Variants in FNDC11 observed in about 807,000 individuals in gnomAD.
FNDC11 encodes the protein fibronectin type III domain containing 11.
In FNDC11, 15 loss-of-function variants were observed where a neutral mutation model predicts 15.8. The observed-to-expected ratio is 0.95, with a 90% confidence interval of 0.63 to 1.46. The LOEUF is 1.46. Among genes scored for constraint, FNDC11 ranks in the 40% most tolerant of loss-of-function variants. The pLI, the probability that FNDC11 is intolerant of heterozygous loss-of-function variation, is 0.00. For missense variants in FNDC11, 416 were observed against 443.4 expected (o/e 0.94, Z 0.55); for synonymous variants, 190 against 203.1 (o/e 0.94, Z 0.55).
intron 1 of FNDC11, 78 bp from the exon 2 acceptor site, chr20:63,555,576 C>T (rs2082799526): frequency 1.4e-6 from 2 of 1,475,268 alleles, no homozygotes; most frequent in South Asian, 2.7e-5. Context: ...GGTCAGTGGG[C>T]TGAATCCATC....
intron 1 of FNDC11, chr20:63,555,178 GTC>G (rs2082796249): frequency 1.3e-5 from 2 of 156,838 alleles, no homozygotes; most frequent in Admixed American, 1.2e-4. Flanking sequence ...GGTGAGGCCT[GTC>G]TCTGTGCCCT....
In FNDC11 at chr20:63,556,123, G is replaced by A. The variant is rs113868014; in HGVS notation, c.460G>A (p.Ala154Thr). 3 of 1,594,538 alleles carry A rather than the reference G, an allele frequency of 1.9e-6. No homozygotes were observed. In the African/African-American group the frequency reaches 4.0e-5, roughly 21 times the overall value. Residue 154 changes from alanine to threonine, a missense_variant, in exon 2 of 2, where the codon GCC (alanine) becomes ACC (threonine). Transcript: ENST00000370097. ...LRSPDPRPFL[A>T]DWALVERRLA... ...GTCGCCAGACCCACGGCCCTTCCTGGCCGACTGGGCGCTGGTGGAGCGGCG... is the reference window on the plus strand; with the variant it reads ...GTCGCCAGACCCACGGCCCTTCCTGACCGACTGGGCGCTGGTGGAGCGGCG...
intron 1 of FNDC11, 172 bp from the exon 2 acceptor site, chr20:63,555,481 AG>A: frequency 9.4e-7 from 1 of 1,059,996 alleles, no homozygotes; most frequent in Non-Finnish European, 1.3e-6. Flanking sequence ...AACTGTGTCC[AG>A]ATCTGTAGGC....
Position 63,556,293 on chromosome 20 carries a change from C to CG in FNDC11, c.631dup (p.Val211GlyfsTer3). Reference sequence around the variant, plus strand: ...TCATGCTGAGCACCAAGATGCCTGTCGTGTTTGACCGAAAGGCGTCGGCGG... The same window carrying CG: ...TCATGCTGAGCACCAAGATGCCTGTCGGTGTTTGACCGAAAGGCGTCGGCGG... On this transcript the variant is annotated frameshift_variant, in exon 2 of 2. Coordinates refer to ENST00000370097, the MANE Select transcript of FNDC11 (RefSeq NM_001319152.2). LOFTEE classifies it high-confidence loss of function. 6.2e-7 allele frequency: 1 copy of CG among 1,603,442 alleles called. No homozygotes were observed. Among genetic ancestry groups the CG allele is most frequent in the Admixed American group, 1.7e-5 (1 of 59,856 alleles).
chr20:63,555,110 C>T (rs2082795750), intron 1 of FNDC11: 1 of 153,720 alleles, frequency 6.5e-6, no homozygotes, highest in Admixed American at 6.4e-5. Flanking sequence ...GGCTGCTCCT[C>T]CGGGCCCAGG....
rs552539833 is a variant in FNDC11, at chr20:63,555,688, G to A, written c.25G>A (p.Gly9Ser). The A allele has an allele frequency of 1.9e-6, 3 of 1,611,074 alleles. No homozygotes were observed. Among genetic ancestry groups the A allele is most frequent in the Non-Finnish European group, 2.5e-6 (3 of 1,179,064 alleles). Residue 9 changes from glycine to serine, a missense_variant, in exon 2 of 2, where the codon GGC becomes AGC. Gly to Ser is a moderately conservative substitution (Grantham distance 56). Coordinates refer to ENST00000370097, the MANE Select transcript of FNDC11 (RefSeq NM_001319152.2). ...AATGAGCACCCATGTGGCAGGCCTGGGCCTGGACAAGATGAAGCTGGGCAA... is the reference window on the plus strand; with the variant it reads ...AATGAGCACCCATGTGGCAGGCCTGAGCCTGGACAAGATGAAGCTGGGCAA... MSTHVAGL[G>S]LDKMKLGNPQ... is the part of the protein sequence containing the mutation.
rs373075724 is a variant in FNDC11 at position 63,556,199 on chromosome 20, C to T, written c.536C>T (p.Pro179Leu). 8 of 1,596,504 alleles carry T rather than the reference C, an allele frequency of 5.0e-6. No homozygotes were observed. Among genetic ancestry groups the T allele is most frequent in the South Asian group, 3.3e-5 (3 of 90,036 alleles). The change falls in exon 2 of 2, where the codon CCG becomes CTG. Residue 179 changes from proline to leucine, a missense_variant. By Grantham distance (98) the Pro-to-Leu change is moderately conservative. Coordinates refer to ENST00000370097, the MANE Select transcript of FNDC11 (RefSeq NM_001319152.2). ...GACAGCTTCCTGACCATGATGGTGC[C>T]GGGGCGGCTACACGTCAAGCACCGC... ...VMDSFLTMMVPGRLHVKHRLV... is the reference protein window; with the variant it reads ...VMDSFLTMMVLGRLHVKHRLV...
In FNDC11 at chr20:63,555,652, A is replaced by G. The variant is rs1211510784; in HGVS notation, c.-10-2A>G. On this transcript the variant is annotated splice_acceptor_variant, in intron 1 of 1. Coordinates refer to ENST00000370097, the MANE Select transcript of FNDC11 (RefSeq NM_001319152.2). LOFTEE classifies it low-confidence loss of function (5UTR_SPLICE). ...GCAGCTGACACCCAGCCCTCCCCCCAGCTCCCGGATAATGAGCACCCATGT... is the reference window on the plus strand; with the variant it reads ...GCAGCTGACACCCAGCCCTCCCCCCGGCTCCCGGATAATGAGCACCCATGT... 1.3e-6 allele frequency: 2 copies of G among 1,592,590 alleles called. No homozygotes were observed. The highest frequency in any genetic ancestry group is 1.7e-6 in the Non-Finnish European group (2 of 1,166,552).
chr20:63,553,810 T>C (rs1213837345), upstream of FNDC11: 1 of 152,288 alleles, frequency 6.6e-6, no homozygotes, highest in African/African-American at 2.4e-5. Flanking sequence ...CCCAAATTCC[T>C]CCGAGGGATT....
In FNDC11 at chr20:63,556,581, G is replaced by A. The variant is rs750832888; in HGVS notation, c.918G>A (p.Pro306=). 30 of 1,613,076 alleles carry A rather than the reference G, an allele frequency of 1.9e-5. No homozygotes were observed. The highest frequency in any genetic ancestry group is 3.3e-5 in the South Asian group (3 of 91,088). The change falls in exon 2 of 2, where the codon CCG becomes CCA. Residue 306 remains proline, a synonymous_variant. Transcript: ENST00000370097. ...WRDSLTLHTK[P]EPLEGPALSH... Reference sequence around the variant, plus strand: ...ACAGCCTCACCCTGCACACCAAGCCGGAGCCCCTGGAGGGGCCCGCCCTCA... The same window carrying A: ...ACAGCCTCACCCTGCACACCAAGCCAGAGCCCCTGGAGGGGCCCGCCCTCA...
In FNDC11 at chr20:63,555,671, C is replaced by T. The variant is rs2082800671; in HGVS notation, c.8C>T (p.Thr3Ile). 6.2e-7 allele frequency: 1 copy of T among 1,605,104 alleles called. No individual in the cohort carries two copies. The highest frequency in any genetic ancestry group is 2.2e-5 in the East Asian group (1 of 44,628). Residue 3 changes from threonine (T) to isoleucine (I), a missense_variant, in exon 2 of 2, where the codon ACC becomes ATC. Physicochemically the swap from Thr to Ile is moderately conservative, Grantham distance 89. Transcript: ENST00000370097. ...CCCCCCAGCTCCCGGATAATGAGCA[C>T]CCATGTGGCAGGCCTGGGCCTGGAC... is the stretch of plus-strand genomic sequence containing the variant. MS[T>I]HVAGLGLDKM...
rs1017475462 is a variant in FNDC11, at chr20:63,556,273, C to T, written c.610C>T (p.Leu204=). The T allele has an allele frequency of 6.2e-7, 1 of 1,600,018 alleles. No individual in the cohort carries two copies. Among genetic ancestry groups the T allele is most frequent in the Admixed American group, 1.7e-5 (1 of 59,762 alleles). ...ATKIPHIWLM[L]STKMPVVFDR... ...CAAGATCCCGCACATCTGGCTCATGCTGAGCACCAAGATGCCTGTCGTGTT... is the reference window on the plus strand; with the variant it reads ...CAAGATCCCGCACATCTGGCTCATGTTGAGCACCAAGATGCCTGTCGTGTT... Residue 204 remains leucine (L), a synonymous_variant, in exon 2 of 2, where the codon CTG becomes TTG. Transcript: ENST00000370097.
Position 63,556,373 on chromosome 20 carries a change from C to A in FNDC11, c.710C>A (p.Ser237Ter). ...RWFVTIQPATSEQYELRFRLL... is the reference protein window; with the variant it reads ...RWFVTIQPAT Reference sequence around the variant, plus strand: ...TTCGTCACCATCCAGCCAGCCACATCGGAGCAGTATGAGTTGCGCTTCAGG... The same window carrying A: ...TTCGTCACCATCCAGCCAGCCACATAGGAGCAGTATGAGTTGCGCTTCAGG... Residue 237 changes from serine to a stop codon, truncating the protein, a stop_gained, in exon 2 of 2, where the codon TCG becomes TAG. Coordinates refer to ENST00000370097, the MANE Select transcript of FNDC11 (RefSeq NM_001319152.2). LOFTEE classifies it high-confidence loss of function. 2 of 1,612,582 alleles carry A rather than the reference C, an allele frequency of 1.2e-6. No homozygotes were observed. Among genetic ancestry groups the A allele is most frequent in the Non-Finnish European group, 1.7e-6 (2 of 1,179,998 alleles).
upstream of FNDC11, among the ~76,000 whole-genome samples, chr20:63,553,289 CAG>C (rs1050311002): frequency 1.6e-4 from 24 of 152,290 alleles, no homozygotes; most frequent in African/African-American, 5.5e-4. Flanking sequence ...CCCATTTATC[CAG>C]AGTCAGGTCG....
upstream of FNDC11, among the ~76,000 whole-genome samples, chr20:63,553,271 A>C (rs575864913): frequency 4.6e-5 from 7 of 152,294 alleles, no homozygotes; most frequent in South Asian, 1.5e-3. Context: ...CCCTGGAGCT[A>C]TGGAGACCCC....
At chr20:63,555,511 G>A (rs1325849060) in intron 1 of FNDC11, 143 bp from the exon 2 acceptor site, 2 of 1,345,152 alleles carry the variant, frequency 1.5e-6, no homozygotes, top group Non-Finnish European at 2.0e-6. Flanking sequence ...CAGCCCTCCA[G>A]GCAGCCTCTT....
chr20:63,555,858 C>A lies in FNDC11; in HGVS notation c.195C>A (p.His65Gln). Residue 65 changes from histidine to glutamine, a missense_variant, in exon 2 of 2, where the codon CAC (histidine) becomes CAA (glutamine). Coordinates refer to ENST00000370097, the MANE Select transcript of FNDC11 (RefSeq NM_001319152.2). ...GTCCGCACCTGCTCAAGCGCCACCA[C>A]GCCCGCATGCAGCTGCTGCGTAAGT... ...DLSPHLLKRH[H>Q]ARMQLLRKCS... 6.2e-7 allele frequency: 1 copy of A among 1,612,982 alleles called. No individual in the cohort carries two copies. The highest frequency in any genetic ancestry group is 8.5e-7 in the Non-Finnish European group (1 of 1,179,932).
chr20:63,555,766 C>A lies in FNDC11; in HGVS notation c.103C>A (p.Pro35Thr). 6.2e-7 allele frequency: 1 copy of A among 1,613,352 alleles called. No individual in the cohort carries two copies. The highest frequency in any genetic ancestry group is 8.5e-7 in the Non-Finnish European group (1 of 1,179,998). Residue 35 changes from proline to threonine, a missense_variant, in exon 2 of 2, where the codon CCA becomes ACA. Physicochemically the swap from Pro to Thr is conservative, Grantham distance 38. Transcript: ENST00000370097. ...EEADDQQLLE[P>T]EAWKTYTERR... ...GGCAGATGACCAGCAGCTGCTGGAA[C>A]CAGAGGCGTGGAAGACCTACACCGA... is the stretch of plus-strand genomic sequence containing the variant.
At position 63,555,973 on chromosome 20, in the gene FNDC11, G is replaced by A. The variant is rs745648946; in HGVS notation, c.310G>A (p.Asp104Asn). Reference sequence around the variant, plus strand: ...GCCTAGCGCCTTGTTCCAGCTCATCGACCCCTGGAAGTTCCAGCGCATGAA... The same window carrying A: ...GCCTAGCGCCTTGTTCCAGCTCATCAACCCCTGGAAGTTCCAGCGCATGAA... The part of the protein sequence containing the change: ...VLPSALFQLI[D>N]PWKFQRMKKV... Residue 104 changes from aspartate to asparagine, a missense_variant, in exon 2 of 2, where the codon GAC becomes AAC. By Grantham distance (23) the Asp-to-Asn change is conservative. Coordinates refer to ENST00000370097, the MANE Select transcript of FNDC11 (RefSeq NM_001319152.2). 27 of 1,601,246 alleles carry A rather than the reference G, an allele frequency of 1.7e-5. No individual in the cohort carries two copies. The highest frequency in any genetic ancestry group is 1.2e-4 in the African/African-American group (9 of 74,942).
Sources: allele counts gnomAD v4.1 joint callset (sites outside exome capture counted in the v4.1 genomes callset), GRCh38; gene constraint gnomAD v4.1.1; transcripts MANE v1.5; gene names NCBI Gene and HGNC (gene_info 2026-07-23, HGNC 2026-07-21).